Variants in CNGB3 observed in about 807,000 individuals in gnomAD.
CNGB3 encodes the protein cyclic nucleotide-gated channel beta-3.
A neutral mutation model predicts 92.8 loss-of-function variants in CNGB3; 86 were observed. The ratio of observed to expected loss-of-function variants is 0.93; its 90% CI spans 0.78 to 1.11. CNGB3 has a LOEUF of 1.11. Among genes scored for constraint, CNGB3 ranks in the 50% least tolerant of loss-of-function variants. The pLI, the probability that CNGB3 is intolerant of heterozygous loss-of-function variation, is 0.00. For synonymous variants in CNGB3, 333 were observed against 332.7 expected (o/e 1.00, Z -0.01); for missense variants, 1,026 against 956.8 (o/e 1.07, Z -0.95).
At chr8:86,688,155 C>A (rs990318021) in intron 3 of CNGB3, among the ~76,000 whole-genome samples, 11 of 151,932 alleles carry the variant, frequency 7.2e-5, no homozygotes, top group Admixed American at 6.6e-4. Context: ...TAAGAGAGGA[C>A]CACGAGAGAG....
At chr8:86,682,077 C>G (rs550382249) in intron 3 of CNGB3, among the ~76,000 whole-genome samples, 2 of 152,082 alleles carry the variant, frequency 1.3e-5, no homozygotes, top group Admixed American at 6.6e-5. Flanking sequence ...GCATGCAGAG[C>G]TCTGTAAAAG....
chr8:86,644,719 T>G (rs753432214), intron 8 of CNGB3, 33 bp from the exon 9 acceptor site: 2 of 1,391,646 alleles, frequency 1.4e-6, no homozygotes, highest in Non-Finnish European at 1.9e-6. Context: ...TCCAAAAGCA[T>G]GTTAGTCTTA....
rs267602028 is a variant in CNGB3 at position 86,575,869 on chromosome 8, C to G, written c.2365G>C (p.Ala789Pro). The change falls in exon 18 of 18, where the codon GCT (alanine) becomes CCT (proline). Residue 789 changes from alanine to proline, a missense_variant. Coordinates refer to ENST00000320005, the MANE Select transcript of CNGB3 (RefSeq NM_019098.5). ...TSRQSLIISMAPSAEGGEEVL... is the reference protein window; with the variant it reads ...TSRQSLIISMPPSAEGGEEVL... ...TCTTCTCCGCCCTCAGCAGAAGGAGCCATGCTGATAATGAGTGATTGACGA... is the reference window on the plus strand; with the variant it reads ...TCTTCTCCGCCCTCAGCAGAAGGAGGCATGCTGATAATGAGTGATTGACGA... 1 of 1,613,176 alleles carries G rather than the reference C, an allele frequency of 6.2e-7. No homozygotes were observed. Among genetic ancestry groups the G allele is most frequent in the Non-Finnish European group, 8.5e-7 (1 of 1,179,766 alleles).
chr8:86,610,534 G>A (rs1822497982), intron 14 of CNGB3, among the ~76,000 whole-genome samples: 1 of 151,788 alleles, frequency 6.6e-6, no homozygotes, highest in Admixed American at 6.6e-5. Flanking sequence ...ACCGTAACCA[G>A]GAAGGACAGG....
intron 6 of CNGB3, chr8:86,658,930 C>G: frequency 9.7e-7 from 1 of 1,027,286 alleles, no homozygotes. Flanking sequence ...AGCCTCTCCT[C>G]CTGCTCTCGG....
chr8:86,660,022 C>A, intron 6 of CNGB3: 1 of 342,852 alleles, frequency 2.9e-6, no homozygotes, highest in South Asian at 2.6e-5. Flanking sequence ...TCTGAGGTGC[C>A]GCCATGCTAG....
At chr8:86,603,428 C>G (rs1258183063) in intron 15 of CNGB3, among the ~76,000 whole-genome samples, 1 of 152,084 alleles carries the variant, frequency 6.6e-6, no homozygotes, top group East Asian at 1.9e-4. Context: ...AATTTGCTGT[C>G]TATATTTTTC....
At chr8:86,588,958 C>T (rs1433168832) in intron 15 of CNGB3, among the ~76,000 whole-genome samples, 1 of 152,036 alleles carries the variant, frequency 6.6e-6, no homozygotes, top group Non-Finnish European at 1.5e-5. Context: ...GCTGTGAATC[C>T]ATCTGGTCCT....
chr8:86,592,368 A>G (rs116452713), intron 15 of CNGB3, among the ~76,000 whole-genome samples: 2,403 of 152,244 alleles, frequency 0.016, 62 homozygotes, highest in African/African-American at 0.055. Context: ...CTCCTCCCCA[A>G]TAGATAATAT....
At chr8:86,717,218 A>G (rs1824871733) in intron 3 of CNGB3, among the ~76,000 whole-genome samples, 1 of 152,116 alleles carries the variant, frequency 6.6e-6, no homozygotes, top group South Asian at 2.1e-4. Flanking sequence ...CATTTATAAA[A>G]CAATTACTAC....
chr8:86,701,241 C>G (rs891475625), intron 3 of CNGB3, among the ~76,000 whole-genome samples: 4 of 152,090 alleles, frequency 2.6e-5, no homozygotes, highest in African/African-American at 9.7e-5. Flanking sequence ...AGAAAAATCT[C>G]TTTGGCAAGC....
chr8:86,598,500 G>T (rs1822220470), intron 15 of CNGB3, among the ~76,000 whole-genome samples: 1 of 152,168 alleles, frequency 6.6e-6, no homozygotes. Context: ...TCCTAGGGCT[G>T]CTATAACAAA....
chr8:86,629,390 A>G (rs1428529580), intron 11 of CNGB3, among the ~76,000 whole-genome samples: 1 of 152,188 alleles, frequency 6.6e-6, no homozygotes. Context: ...CAGCCATGTA[A>G]TGCATAGGAC....
At chr8:86,688,290 G>A (rs995256250) in intron 3 of CNGB3, among the ~76,000 whole-genome samples, 37 of 151,894 alleles carry the variant, frequency 2.4e-4, no homozygotes, top group African/African-American at 7.2e-4. Context: ...AAAACTACAC[G>A]GCACAAATCT....
At chr8:86,679,209 AT>A (rs1824033610) in intron 3 of CNGB3, among the ~76,000 whole-genome samples, 1 of 152,108 alleles carries the variant, frequency 6.6e-6, no homozygotes, top group Non-Finnish European at 1.5e-5. Context: ...CACTTTGAAG[AT>A]TTTTTAGTTA....
chr8:86,683,903 A>G (rs1261136278), intron 3 of CNGB3, among the ~76,000 whole-genome samples: 2 of 152,172 alleles, frequency 1.3e-5, no homozygotes, highest in African/African-American at 4.8e-5. Flanking sequence ...CAATAGGGAG[A>G]AGTTCTGGAT....
At chr8:86,624,943 T>C (rs911733650) in intron 13 of CNGB3, among the ~76,000 whole-genome samples, 2 of 152,194 alleles carry the variant, frequency 1.3e-5, no homozygotes, top group Admixed American at 6.5e-5. Context: ...AATATCTGGC[T>C]GCTTAAAAGT....
At chr8:86,727,585 T>C (rs1825083192) in intron 2 of CNGB3, among the ~76,000 whole-genome samples, 1 of 152,086 alleles carries the variant, frequency 6.6e-6, no homozygotes, top group Non-Finnish European at 1.5e-5. Flanking sequence ...TAAATTGTAA[T>C]TTACCCAGAG....
chr8:86,700,376 T>G (rs890034532), intron 3 of CNGB3, among the ~76,000 whole-genome samples: 1 of 152,216 alleles, frequency 6.6e-6, no homozygotes, highest in Non-Finnish European at 1.5e-5. Context: ...CACTAGGACA[T>G]TTCCATGAAT....
Sources: gnomAD v4.1 joint callset for allele counts (sites outside exome capture counted in the v4.1 genomes callset) on GRCh38, gnomAD v4.1.1 for gene constraint, MANE v1.5 for transcripts, NCBI Gene and HGNC (gene_info 2026-07-23, HGNC 2026-07-21) for gene names.